The following C5 variants were observed in gnomAD, a reference collection of about 807,000 sequenced individuals.
C5 encodes the protein complement C5.
In C5, 140 loss-of-function variants were observed where a neutral mutation model predicts 218.8. The observed-to-expected ratio is 0.64, with a 90% CI of 0.56 to 0.74. The LOEUF (loss-of-function observed/expected upper bound fraction) is 0.74. Ranked by LOEUF, C5 falls within the 30% of genes least tolerant of loss-of-function variation. The pLI, the probability that C5 is intolerant of heterozygous loss-of-function variation, is 0.00. For synonymous variants in C5, 614 were observed against 682.3 expected (o/e 0.90, Z 1.56); for missense variants, 1,700 against 1,969.6 (o/e 0.86, Z 2.59).
At chr9:120,963,928 C>T (rs2046847124) in intron 33 of C5, among the ~76,000 whole-genome samples, 190 bp from the exon 34 acceptor site, 1 of 152,158 alleles carries the variant, frequency 6.6e-6, no homozygotes, top group African/African-American at 2.4e-5. Context: ...TCTCTTTCCT[C>T]ACTTGATCAA....
rs199849879 is a variant in C5 at position 121,015,183 on chromosome 9, A to T, written c.2059+16T>A. ...ATGACCATAACCTTTTTACAATCAC[A>T]TGAATCTTACAGTACCTATTTCTTC... On this transcript the variant is annotated intron_variant, in intron 16 of 40. Coordinates refer to ENST00000223642, the MANE Select transcript of C5 (RefSeq NM_001735.3). 464 of 1,550,362 alleles carry T rather than the reference A, an allele frequency of 3.0e-4. 3 individuals are homozygous for T. The African/African-American group carries it at 5.0e-3, about 17-fold the overall frequency.
In C5 at chr9:121,015,280, G is replaced by T; in HGVS notation, c.1997-19C>A. 6.5e-7 allele frequency: 1 copy of T among 1,537,220 alleles called. No homozygotes were observed. Among genetic ancestry groups the T allele is most frequent in the Non-Finnish European group, 9.0e-7 (1 of 1,114,224 alleles). On this transcript the variant is annotated intron_variant, in intron 15 of 40. Coordinates refer to ENST00000223642, the MANE Select transcript of C5 (RefSeq NM_001735.3). Reference sequence around the variant, plus strand: ...GGTTCATCTGGTTTTTTTAAAAAAAGATAAAGAAGAAGGATTAAAAAGGAG... The same window carrying T: ...GGTTCATCTGGTTTTTTTAAAAAAATATAAAGAAGAAGGATTAAAAAGGAG...
At chr9:120,988,508 G>A (rs2047051256) in intron 25 of C5, among the ~76,000 whole-genome samples, 1 of 152,198 alleles carries the variant, frequency 6.6e-6, no homozygotes, top group Non-Finnish European at 1.5e-5. Flanking sequence ...AAGGCCCTGA[G>A]GTGGAAGCAT....
intron 5 of C5, among the ~76,000 whole-genome samples, chr9:121,033,182 A>G (rs1211689917): frequency 6.6e-6 from 1 of 152,220 alleles, no homozygotes; most frequent in African/African-American, 2.4e-5. Context: ...TCATCAATTC[A>G]ATGAATATTT....
At chr9:121,040,558 T>C (rs1432090334) in intron 3 of C5, among the ~76,000 whole-genome samples, 1 of 152,232 alleles carries the variant, frequency 6.6e-6, no homozygotes. Flanking sequence ...TAAGTAATTA[T>C]TTTTCTTTTC....
chr9:121,022,169 G>T (rs1007334519), intron 10 of C5, among the ~76,000 whole-genome samples: 11 of 152,086 alleles, frequency 7.2e-5, no homozygotes, highest in Non-Finnish European at 1.5e-4. Flanking sequence ...TCTAACTTCT[G>T]TATTTCTTTG....
intron 20 of C5, among the ~76,000 whole-genome samples, chr9:121,002,482 G>A (rs1587972319): frequency 6.6e-6 from 1 of 151,428 alleles, no homozygotes; most frequent in East Asian, 1.9e-4. Context: ...ACCTATTTAT[G>A]TGTCTATCTC....
chr9:121,009,811 G>A, intron 17 of C5, among the ~76,000 whole-genome samples: 1 of 152,222 alleles, frequency 6.6e-6, no homozygotes, highest in Non-Finnish European at 1.5e-5. Flanking sequence ...TCCCCTAGCA[G>A]TGACTGTGCA....
chr9:120,981,349 G>A (rs1290839114), intron 27 of C5, among the ~76,000 whole-genome samples: 1 of 152,172 alleles, frequency 6.6e-6, no homozygotes, highest in Non-Finnish European at 1.5e-5. Flanking sequence ...GATTTACTTA[G>A]GTGGCTCATC....
intron 5 of C5, among the ~76,000 whole-genome samples, chr9:121,034,452 G>C (rs41308008): frequency 1.3e-5 from 2 of 152,170 alleles, no homozygotes; most frequent in South Asian, 2.1e-4. Context: ...AACTACAGAC[G>C]ACCCTATTTT....
chr9:121,014,103 A>G (rs775675894), intron 16 of C5, 33 bp from the exon 17 acceptor site: 1 of 1,576,308 alleles, frequency 6.3e-7, no homozygotes, highest in East Asian at 2.2e-5. Context: ...GCTCTTGATG[A>G]CGCAGAGTGA....
chr9:121,020,547 G>C (rs900309729), intron 11 of C5, among the ~76,000 whole-genome samples: 2 of 152,230 alleles, frequency 1.3e-5, no homozygotes, highest in African/African-American at 4.8e-5. Flanking sequence ...TAGGAGAAGG[G>C]AAGTAGTGGG....
chr9:121,024,904 A>G (rs1045040391), intron 9 of C5, among the ~76,000 whole-genome samples: 2 of 152,240 alleles, frequency 1.3e-5, no homozygotes, highest in African/African-American at 4.8e-5. Flanking sequence ...TAAATATCTC[A>G]TAGATACTGC....
At chr9:120,958,806 A>T (rs943856609) in intron 38 of C5, among the ~76,000 whole-genome samples, 2 of 149,080 alleles carry the variant, frequency 1.3e-5, no homozygotes, top group African/African-American at 4.9e-5. Context: ...ACTCTGTTAC[A>T]TTTTTTTTTT....
Position 120,963,654 on chromosome 9 carries a change from A to C in C5, c.4305T>G (p.Asn1435Lys). ...DISLPTGISANEEDLKALVEG... is the reference protein window; with the variant it reads ...DISLPTGISAKEEDLKALVEG... ...CACATACGGCTTTTAAGTCTTCTTC[A>C]TTTGCACTGATTCCAGTAGGCAAGG... Residue 1435 changes from asparagine to lysine, a missense_variant, in exon 34 of 41, where the codon AAT becomes AAG. Asn to Lys is a moderately conservative substitution (Grantham distance 94, BLOSUM62 0). Transcript: ENST00000223642. 6.2e-7 allele frequency: 1 copy of C among 1,612,800 alleles called. No individual in the cohort carries two copies. Among genetic ancestry groups the C allele is most frequent in the Non-Finnish European group, 8.5e-7 (1 of 1,178,820 alleles).
chr9:121,033,636 A>T (rs1420498885), intron 5 of C5, among the ~76,000 whole-genome samples: 1 of 152,280 alleles, frequency 6.6e-6, no homozygotes, highest in Non-Finnish European at 1.5e-5. Flanking sequence ...TTAATTCTGC[A>T]CTATGGAACA....
At chr9:121,008,306 C>G in intron 18 of C5, 102 bp downstream of exon 18, 1 of 841,960 alleles carries the variant, frequency 1.2e-6, no homozygotes, top group Non-Finnish European at 2.0e-6. Flanking sequence ...ATCATCTTAA[C>G]TCCTATGCAA....
At chr9:120,970,949 A>G (rs1222040021) in intron 31 of C5, among the ~76,000 whole-genome samples, 1 of 152,210 alleles carries the variant, frequency 6.6e-6, no homozygotes, top group African/African-American at 2.4e-5. Flanking sequence ...AGGTGGACGG[A>G]TCACTTGAGG....
chr9:121,000,753 T>A (rs570231021), intron 20 of C5, among the ~76,000 whole-genome samples: 1 of 152,192 alleles, frequency 6.6e-6, no homozygotes, highest in African/African-American at 2.4e-5. Context: ...TCGCAGAGGT[T>A]TGGTGTGCAG....
Sources: gnomAD v4.1 joint callset for allele counts (sites outside exome capture counted in the v4.1 genomes callset) on GRCh38, gnomAD v4.1.1 for gene constraint, MANE v1.5 for transcripts, NCBI Gene and HGNC (gene_info 2026-07-23, HGNC 2026-07-21) for gene names.